The following GPHN variants were observed in gnomAD, a reference collection of about 807,000 sequenced individuals.
GPHN encodes the protein gephyrin.
GPHN carries 17 observed loss-of-function variants against 95.5 expected under a neutral mutation model. The observed-to-expected ratio is 0.18, with a 90% confidence interval of 0.12 to 0.27. The LOEUF is 0.27. Ranked by LOEUF, GPHN falls within the 10% of genes least tolerant of loss-of-function variation. The pLI is 1.00. For missense variants in GPHN, 660 were observed against 978.1 expected, an observed-to-expected ratio of 0.67 and a Z score of 4.34; for synonymous variants, 320 against 322.5, an observed-to-expected ratio of 0.99 and a Z score of 0.08.
chr14:67,317,476 G>T, the GPHN span: 2 of 1,601,520 alleles, frequency 1.2e-6, no homozygotes, highest in Non-Finnish European at 1.7e-6. Context: ...CAATAAAAAT[G>T]ATGGTAAGTT....
the GPHN span, among the ~76,000 whole-genome samples, chr14:67,382,166 C>G: frequency 6.6e-6 from 1 of 151,856 alleles, no homozygotes; most frequent in Non-Finnish European, 1.5e-5. Context: ...AGTTTAGCCA[C>G]CAAAGATACA....
chr14:67,199,572 CTATCACCG>C, the GPHN span: 1 of 1,597,680 alleles, frequency 6.3e-7, no homozygotes. Flanking sequence ...TGTAACCACC[CTATCACCG>C]TATCTTATGC....
At chr14:66,762,810 A>G (rs2058809135) in intron 2 of GPHN, among the ~76,000 whole-genome samples, 1 of 152,160 alleles carries the variant, frequency 6.6e-6, no homozygotes, top group Non-Finnish European at 1.5e-5. Flanking sequence ...AAAATAGTAG[A>G]AAAAAAGAAT....
the GPHN span, among the ~76,000 whole-genome samples, chr14:67,492,135 C>A: frequency 6.6e-6 from 1 of 152,146 alleles, no homozygotes; most frequent in African/African-American, 2.4e-5. Context: ...TCTCAAAGTC[C>A]CCCACTGAGC....
intron 2 of GPHN, among the ~76,000 whole-genome samples, chr14:66,747,449 T>C (rs371482672): frequency 1.3e-5 from 2 of 152,134 alleles, no homozygotes; most frequent in Non-Finnish European, 1.5e-5. Context: ...CATAAGAAGT[T>C]GACTATAAAT....
intron 1 of GPHN, among the ~76,000 whole-genome samples, chr14:66,635,955 G>C (rs557605672): frequency 6.6e-5 from 10 of 151,738 alleles, no homozygotes; most frequent in African/African-American, 2.2e-4. Context: ...TGGCTAACAC[G>C]GTGAAACTCC....
At chr14:67,024,085 A>G (rs2073802934) in intron 10 of GPHN, among the ~76,000 whole-genome samples, 1 of 152,226 alleles carries the variant, frequency 6.6e-6, no homozygotes, top group Non-Finnish European at 1.5e-5. Context: ...CATTTTGTGA[A>G]TATGAATTCC....
chr14:67,507,910 C>T, the GPHN span, among the ~76,000 whole-genome samples: 2 of 151,960 alleles, frequency 1.3e-5, no homozygotes, highest in African/African-American at 2.4e-5. Flanking sequence ...AGGCTGAGGC[C>T]GGCAGTTCAC....
chr14:66,784,602 T>A (rs1051096797), intron 3 of GPHN, among the ~76,000 whole-genome samples: 1 of 152,196 alleles, frequency 6.6e-6, no homozygotes, highest in Non-Finnish European at 1.5e-5. Flanking sequence ...AAGGGTAAAG[T>A]TGCCTAAATG....
intron 1 of GPHN, among the ~76,000 whole-genome samples, chr14:66,603,531 A>C (rs902764125): frequency 5.3e-5 from 8 of 151,950 alleles, no homozygotes; most frequent in Non-Finnish European, 1.2e-4. Flanking sequence ...TTAGATATAT[A>C]GATATATCCA....
At chr14:66,994,297 C>T (rs1178816573) in intron 9 of GPHN, among the ~76,000 whole-genome samples, 2 of 151,636 alleles carry the variant, frequency 1.3e-5, no homozygotes, top group East Asian at 1.9e-4. Flanking sequence ...ACCCAGGAGG[C>T]GGAAGTTGCA....
the GPHN span, among the ~76,000 whole-genome samples, chr14:67,687,523 G>A: frequency 6.8e-6 from 1 of 146,594 alleles, no homozygotes; most frequent in Admixed American, 6.9e-5. Flanking sequence ...CCAGGCTGGG[G>A]TGCAATGGTA....
At chr14:66,714,482 G>A (rs1320051727) in intron 2 of GPHN, among the ~76,000 whole-genome samples, 3 of 152,050 alleles carry the variant, frequency 2.0e-5, no homozygotes, top group South Asian at 2.1e-4. Context: ...TTTGGATTCC[G>A]TTTTTTACTT....
chr14:67,499,727 C>T, the GPHN span, among the ~76,000 whole-genome samples: 2 of 152,112 alleles, frequency 1.3e-5, no homozygotes, highest in African/African-American at 4.8e-5. Context: ...GTTAAAAAGG[C>T]AGTGCCAGAA....
At chr14:67,028,865 T>A (rs1452488991) in intron 10 of GPHN, among the ~76,000 whole-genome samples, 5 of 152,226 alleles carry the variant, frequency 3.3e-5, no homozygotes, top group Non-Finnish European at 5.9e-5. Context: ...GCTTTTCAGT[T>A]TGATATAGTC....
At chr14:67,403,498 A>G in the GPHN span, among the ~76,000 whole-genome samples, 4 of 152,206 alleles carry the variant, frequency 2.6e-5, no homozygotes, top group Non-Finnish European at 5.9e-5. Context: ...CCAGCCAAAT[A>G]TTCTCTGTCC....
At chr14:66,789,086 A>G (rs1328114316) in intron 3 of GPHN, among the ~76,000 whole-genome samples, 2 of 152,186 alleles carry the variant, frequency 1.3e-5, no homozygotes, top group African/African-American at 2.4e-5. Flanking sequence ...TTTTATTCCA[A>G]TGTTCAATTT....
At chr14:66,939,564 A>T (rs1596447902) in intron 8 of GPHN, among the ~76,000 whole-genome samples, 1 of 152,050 alleles carries the variant, frequency 6.6e-6, no homozygotes, top group South Asian at 2.1e-4. Context: ...CCCACACGCA[A>T]GCTGAAGACC....
chr14:67,443,619 G>C, the GPHN span, among the ~76,000 whole-genome samples: 1 of 152,024 alleles, frequency 6.6e-6, no homozygotes, highest in Admixed American at 6.6e-5. Context: ...TAAAAATGTA[G>C]GTACCAGACA....
Sources: allele counts gnomAD v4.1 joint callset (sites outside exome capture counted in the v4.1 genomes callset), GRCh38; gene constraint gnomAD v4.1.1; transcripts MANE v1.5; gene names NCBI Gene and HGNC (gene_info 2026-07-23, HGNC 2026-07-21).